The following NBAS variants were observed in gnomAD, a reference collection of about 807,000 sequenced individuals.
The protein encoded by NBAS is NAG/BC035112 fusion.
Under a neutral mutation model 302.5 loss-of-function variants are expected in NBAS, and 219 were observed. The observed-to-expected ratio is 0.72, with a 90% CI of 0.65 to 0.81. NBAS has a LOEUF of 0.81. Among genes scored for constraint, NBAS ranks in the 30% least tolerant of loss-of-function variants. NBAS has a pLI of 0.00. For synonymous variants in NBAS, 1,118 were observed against 1,021.6 expected, an observed-to-expected ratio of 1.09 and a Z score of -1.80; for missense variants, 2,932 against 2,841.6, an observed-to-expected ratio of 1.03 and a Z score of -0.72.
the NBAS span, among the ~76,000 whole-genome samples, chr2:15,134,214 G>A: frequency 6.6e-6 from 1 of 152,016 alleles, no homozygotes; most frequent in Non-Finnish European, 1.5e-5. Context: ...ACTCACTATG[G>A]GATTAAGCTC....
intron 48 of NBAS, among the ~76,000 whole-genome samples, chr2:15,207,842 T>G (rs1230235750): frequency 6.6e-6 from 1 of 152,024 alleles, no homozygotes; most frequent in Non-Finnish European, 1.5e-5. Context: ...TATAAATTAC[T>G]CAGTCTCAGG....
chr2:14,870,243 G>A, the NBAS span, among the ~76,000 whole-genome samples: 1 of 152,138 alleles, frequency 6.6e-6, no homozygotes, highest in South Asian at 2.1e-4. Flanking sequence ...AGGCCAAAGT[G>A]GCTAGAAGCC....
chr2:15,300,926 G>A (rs73197022), intron 40 of NBAS, among the ~76,000 whole-genome samples: 4,162 of 152,286 alleles, frequency 0.027, 184 homozygotes, highest in African/African-American at 0.095. Flanking sequence ...AACAAAGGAT[G>A]TTAAATTCAG....
rs1486170164 is a variant in NBAS at position 15,527,536 on chromosome 2, C to CTGTG, written c.746+7003_746+7006dup. ...CTGCATCTGCCAGAGGGGAGGAACA[C>CTGTG]TGTGCCCTCACATGGCAGAAGGCAG... On this transcript the variant is annotated intron_variant, in intron 9 of 51. Transcript: ENST00000281513. Among the ~76,000 whole-genome samples, 10 of 152,330 alleles carry CTGTG rather than the reference C, an allele frequency of 6.6e-5. No homozygotes were observed. In the East Asian group the frequency reaches 1.9e-3, roughly 29 times the overall value.
At chr2:15,387,788 C>T (rs1181078188) in intron 28 of NBAS, among the ~76,000 whole-genome samples, 1 of 152,084 alleles carries the variant, frequency 6.6e-6, no homozygotes, top group Non-Finnish European at 1.5e-5. Flanking sequence ...TAAGCAACCA[C>T]ACCCAGCTAA....
the NBAS span, among the ~76,000 whole-genome samples, chr2:14,906,688 C>A: frequency 6.6e-6 from 1 of 152,188 alleles, no homozygotes; most frequent in African/African-American, 2.4e-5. Context: ...TGGGGCAGAA[C>A]AAGACCCAAT....
chr2:15,555,309 AT>A (rs1321493646), intron 3 of NBAS, among the ~76,000 whole-genome samples: 1 of 152,012 alleles, frequency 6.6e-6, no homozygotes, highest in Non-Finnish European at 1.5e-5. Context: ...ATTTACGCTC[AT>A]TTTTTAAAAC....
chr2:14,839,663 C>T, the NBAS span, among the ~76,000 whole-genome samples: 3 of 151,954 alleles, frequency 2.0e-5, no homozygotes, highest in East Asian at 3.8e-4. Context: ...ACAGGTGGCA[C>T]GTCAATTCAT....
the NBAS span, among the ~76,000 whole-genome samples, chr2:15,038,027 A>G: frequency 1.5e-4 from 22 of 151,328 alleles, no homozygotes; most frequent in African/African-American, 5.3e-4. Flanking sequence ...GAGAAATTCC[A>G]TTTCACATGA....
the NBAS span, among the ~76,000 whole-genome samples, chr2:14,792,689 G>A: frequency 6.6e-5 from 10 of 151,256 alleles, no homozygotes; most frequent in Non-Finnish European, 8.8e-5. Flanking sequence ...AAAAAAAATC[G>A]TAAATAGGAC....
At chr2:15,074,471 T>C in the NBAS span, among the ~76,000 whole-genome samples, 6 of 151,574 alleles carry the variant, frequency 4.0e-5, no homozygotes, top group Non-Finnish European at 2.9e-5. Flanking sequence ...GAAAAAATAA[T>C]GTATTTATAA....
chr2:14,955,039 T>C, the NBAS span, among the ~76,000 whole-genome samples: 2 of 152,160 alleles, frequency 1.3e-5, no homozygotes, highest in Admixed American at 6.5e-5. Flanking sequence ...CTTCCACCTA[T>C]GAACCTGTAA....
chr2:14,827,340 T>C, the NBAS span, among the ~76,000 whole-genome samples: 6 of 152,362 alleles, frequency 3.9e-5, no homozygotes, highest in South Asian at 8.3e-4. Context: ...TAAACATGTT[T>C]TGATTTTAGA....
chr2:15,533,733 A>G (rs1483912904), intron 9 of NBAS, among the ~76,000 whole-genome samples: 1 of 143,544 alleles, frequency 7.0e-6, no homozygotes, highest in East Asian at 2.2e-4. Flanking sequence ...TGTGTGTTCT[A>G]GTATAAAAAT....
intron 47 of NBAS, among the ~76,000 whole-genome samples, chr2:15,227,848 T>G (rs1667209892): frequency 1.3e-5 from 2 of 152,100 alleles, no homozygotes; most frequent in Admixed American, 6.5e-5. Flanking sequence ...ATAAATGAAT[T>G]AAAGACTTAA....
In NBAS at chr2:15,287,126, G is replaced by A. The variant is rs754169693; in HGVS notation, c.5085C>T (p.Val1695=). 1.2e-6 allele frequency: 2 copies of A among 1,614,064 alleles called. No homozygotes were observed. The highest frequency in any genetic ancestry group is 1.7e-6 in the Non-Finnish European group (2 of 1,179,924). The change falls in exon 42 of 52, where the codon GTC becomes GTT. Residue 1695 remains valine, a synonymous_variant. Transcript: ENST00000281513. ...IAISLAQRYS[V]SRWEVFMTHL... Reference sequence around the variant, plus strand: ...GGGTCATAAAAACTTCCCAGCGGGAGACACTGTAACGTTGTGCCAGAGAAA... The same window carrying A: ...GGGTCATAAAAACTTCCCAGCGGGAAACACTGTAACGTTGTGCCAGAGAAA...
the NBAS span, among the ~76,000 whole-genome samples, chr2:15,138,924 G>A: frequency 1.3e-5 from 2 of 152,196 alleles, no homozygotes; most frequent in African/African-American, 4.8e-5. Context: ...GAGAAAAAGA[G>A]AAAGAGAGGG....
the NBAS span, among the ~76,000 whole-genome samples, chr2:15,039,465 G>A: frequency 6.6e-6 from 1 of 152,288 alleles, no homozygotes; most frequent in East Asian, 1.9e-4. Flanking sequence ...GTGGGTCAAA[G>A]AAGATTAAGG....
chr2:14,897,147 C>A, the NBAS span, among the ~76,000 whole-genome samples: 1 of 151,846 alleles, frequency 6.6e-6, no homozygotes, highest in East Asian at 1.9e-4. Flanking sequence ...TATCACACAG[C>A]GAGCAGGTGG....
Sources: allele counts gnomAD v4.1 joint callset (sites outside exome capture counted in the v4.1 genomes callset), GRCh38; gene constraint gnomAD v4.1.1; transcripts MANE v1.5; gene names NCBI Gene and HGNC (gene_info 2026-07-23, HGNC 2026-07-21).